The following WDPCP variants were observed in gnomAD, a reference collection of about 807,000 sequenced individuals.
WDPCP encodes the protein WD repeat containing planar cell polarity effector, also known as WD repeat-containing and planar cell polarity effector protein fritz homolog.
WDPCP carries 71 observed loss-of-function variants against 93.1 expected under a neutral mutation model. The observed-to-expected ratio is 0.76, with a 90% CI of 0.63 to 0.93. The LOEUF (loss-of-function observed/expected upper bound fraction) is 0.93, where lower values mean the gene tolerates loss of function less well. Ranked by LOEUF, WDPCP falls within the 40% of genes least tolerant of loss-of-function variation. WDPCP has a pLI of 0.00. For synonymous variants in WDPCP, 315 were observed against 315.0 expected, an observed-to-expected ratio of 1.00 and a Z score of 0.00; for missense variants, 844 against 887.4, an observed-to-expected ratio of 0.95 and a Z score of 0.62.
intron 13 of WDPCP, among the ~76,000 whole-genome samples, chr2:63,264,435 C>T (rs1028082057): frequency 4.6e-5 from 7 of 152,114 alleles, no homozygotes; most frequent in Admixed American, 6.5e-5. Flanking sequence ...GTCAGGAGAT[C>T]GAGACCATCC....
At chr2:63,655,509 T>A (rs1356255897) in intron 2 of WDPCP, among the ~76,000 whole-genome samples, 1 of 152,144 alleles carries the variant, frequency 6.6e-6, no homozygotes, top group East Asian at 1.9e-4. Flanking sequence ...TCTTTCCATC[T>A]CAGTACATGA....
intron 2 of WDPCP, among the ~76,000 whole-genome samples, chr2:63,719,677 T>A (rs555080550): frequency 6.6e-6 from 1 of 152,262 alleles, no homozygotes; most frequent in South Asian, 2.1e-4. Context: ...CAAGAATGTA[T>A]GTTCCCATAC....
intron 13 of WDPCP, among the ~76,000 whole-genome samples, chr2:63,280,976 T>G (rs1307934835): frequency 6.6e-6 from 1 of 152,106 alleles, no homozygotes; most frequent in East Asian, 1.9e-4. Context: ...GATAAGTAGA[T>G]GGGACTTAAT....
intron 6 of WDPCP, chr2:63,442,858 A>C (rs1321134673): frequency 6.6e-6 from 1 of 152,168 alleles, no homozygotes; most frequent in Non-Finnish European, 1.5e-5. Flanking sequence ...ATTCTTTTAA[A>C]AACCCACTTT....
chr2:63,434,131 C>A (rs1217237427), intron 8 of WDPCP, among the ~76,000 whole-genome samples, 195 bp from the exon 9 acceptor site: 1 of 152,090 alleles, frequency 6.6e-6, no homozygotes, highest in Non-Finnish European at 1.5e-5. Context: ...GTTCAAAATT[C>A]TCCCCATTTT....
chr2:63,613,013 A>G, intron 3 of WDPCP, among the ~76,000 whole-genome samples: 1 of 149,066 alleles, frequency 6.7e-6, no homozygotes, highest in South Asian at 2.1e-4. Context: ...CCCGTCTTTG[A>G]CTATTATTCC....
chr2:63,187,633 T>C (rs928578464), intron 14 of WDPCP, among the ~76,000 whole-genome samples: 2 of 152,324 alleles, frequency 1.3e-5, no homozygotes, highest in Admixed American at 6.5e-5. Flanking sequence ...CCTTATGTTA[T>C]TGTCATAAAT....
At chr2:63,405,209 A>G (rs1254331045) in intron 9 of WDPCP, among the ~76,000 whole-genome samples, 2 of 152,192 alleles carry the variant, frequency 1.3e-5, no homozygotes, top group Non-Finnish European at 2.9e-5. Flanking sequence ...AAAAAACTTT[A>G]GAAACCTGTT....
At chr2:63,455,858 A>C (rs181601709) in intron 6 of WDPCP, among the ~76,000 whole-genome samples, 89 of 152,344 alleles carry the variant, frequency 5.8e-4, no homozygotes, top group Non-Finnish European at 5.1e-4. Context: ...CATTTTATCC[A>C]AAACCTGCAG....
At chr2:63,793,361 C>T (rs1267852611) in intron 2 of WDPCP, among the ~76,000 whole-genome samples, 2 of 152,220 alleles carry the variant, frequency 1.3e-5, no homozygotes, top group Middle Eastern at 3.4e-3. Flanking sequence ...TAGTCACAAC[C>T]CTTTGGGAAG....
intron 2 of WDPCP, among the ~76,000 whole-genome samples, chr2:63,778,170 C>G (rs1304284146): frequency 1.3e-5 from 2 of 152,016 alleles, no homozygotes; most frequent in African/African-American, 4.8e-5. Flanking sequence ...ATGGTGTTTT[C>G]TCTGGCTAGA....
intron 6 of WDPCP, among the ~76,000 whole-genome samples, chr2:63,456,383 C>T (rs1208790188): frequency 6.6e-6 from 1 of 152,056 alleles, no homozygotes; most frequent in Admixed American, 6.5e-5. Context: ...CGCCACTGCA[C>T]TCCAGCCTGG....
chr2:63,166,202 G>A (rs1672960965), intron 15 of WDPCP, among the ~76,000 whole-genome samples: 1 of 151,850 alleles, frequency 6.6e-6, no homozygotes, highest in African/African-American at 2.4e-5. Flanking sequence ...AAGTAGCTGG[G>A]ACTACAGGTG....
intron 13 of WDPCP, among the ~76,000 whole-genome samples, chr2:63,264,951 A>G (rs1559261819): frequency 1.3e-5 from 2 of 152,210 alleles, no homozygotes; most frequent in Non-Finnish European, 2.9e-5. Context: ...TAAATGAAGC[A>G]TCTTTCTGAA....
At chr2:63,820,929 T>C (rs1173646058) in intron 1 of WDPCP, among the ~76,000 whole-genome samples, 1 of 152,132 alleles carries the variant, frequency 6.6e-6, no homozygotes, top group Non-Finnish European at 1.5e-5. Context: ...TCTAAAACTT[T>C]AGCAACCATT....
In WDPCP at chr2:63,433,631, T is replaced by C. The variant is rs1011491028; in HGVS notation, c.825+114A>G. 5.9e-5 allele frequency: 68 copies of C among 1,146,744 alleles called. 2 individuals are homozygous for C. In the South Asian group the frequency reaches 1.0e-3, roughly 18 times the overall value. 71.0% of individuals were successfully genotyped at this position (1,146,744 alleles called of 1,614,324 possible). On this transcript the variant is annotated intron_variant, in intron 9 of 17. Transcript: ENST00000272321. The stretch of plus-strand genomic sequence containing the variant: ...TCTAGATATGATACTTTTTGAATAT[T>C]TGAAAAACATAAATTATAGGTAAAA...
At position 63,774,476 on chromosome 2, in the gene WDPCP, C is replaced by G. The variant is rs373487740; in HGVS notation, n.308+39146G>C. On this transcript the variant is annotated intron_variant and non_coding_transcript_variant, in intron 2 of 4. Transcript: ENST00000467687. ...AACTCTTCCCAAGATTTTGACCCAC[C>G]ACCTATGTGTGTATATTTTTCCTCA... Among the ~76,000 whole-genome samples the G allele has an allele frequency of 7.2e-5, 11 of 152,266 alleles. No homozygotes were observed. In the South Asian group the frequency reaches 1.0e-3, roughly 14 times the overall value.
chr2:63,404,991 A>T (rs1005847649), intron 9 of WDPCP, among the ~76,000 whole-genome samples: 11 of 152,188 alleles, frequency 7.2e-5, no homozygotes, highest in South Asian at 2.1e-4. Context: ...GTACATAAAA[A>T]CTAAGAAAGT....
intron 2 of WDPCP, among the ~76,000 whole-genome samples, chr2:63,722,297 C>G (rs1184046864): frequency 6.7e-6 from 1 of 149,918 alleles, no homozygotes; most frequent in African/African-American, 2.5e-5. Context: ...CACCTCTGCC[C>G]GGCCGCCATC....
Sources: gnomAD v4.1 joint callset for allele counts (sites outside exome capture counted in the v4.1 genomes callset) on GRCh38, gnomAD v4.1.1 for gene constraint, MANE v1.5 for transcripts, NCBI Gene and HGNC (gene_info 2026-07-23, HGNC 2026-07-21) for gene names.